IMPG1: variants seen among roughly 807,000 people sequenced by gnomAD.
IMPG1 encodes the protein interphotoreceptor matrix proteoglycan of 150 kDa.
A neutral mutation model predicts 92.0 loss-of-function variants in IMPG1; 85 were observed. The observed-to-expected ratio is 0.92, with a 90% CI of 0.78 to 1.11. The LOEUF (loss-of-function observed/expected upper bound fraction) is 1.11, where lower values mean the gene tolerates loss of function less well. IMPG1 is among the 50% of genes least tolerant of loss of function. The pLI, the probability that IMPG1 is intolerant of heterozygous loss-of-function variation, is 0.00. For synonymous variants in IMPG1, 367 were observed against 334.1 expected (o/e 1.10, Z -1.08); for missense variants, 1,022 against 956.0 (o/e 1.07, Z -0.91).
chr6:75,946,305 A>G (rs1273998641), intron 14 of IMPG1, among the ~76,000 whole-genome samples: 2 of 152,218 alleles, frequency 1.3e-5, no homozygotes, highest in African/African-American at 2.4e-5. Context: ...GCACTGCTCT[A>G]TCAAATATAA....
At chr6:76,048,704 A>G (rs1029328870) in intron 1 of IMPG1, among the ~76,000 whole-genome samples, 2 of 152,206 alleles carry the variant, frequency 1.3e-5, no homozygotes, top group Non-Finnish European at 2.9e-5. Flanking sequence ...TCTCTATAGC[A>G]TGTTTCCTCC....
intron 12 of IMPG1, among the ~76,000 whole-genome samples, chr6:75,979,088 T>C (rs577967448): frequency 7.2e-5 from 11 of 152,248 alleles, no homozygotes; most frequent in African/African-American, 2.2e-4. Context: ...ATTTTTTTTT[T>C]CTACTTTTTG....
chr6:75,944,043 A>G (rs527587666), intron 14 of IMPG1, among the ~76,000 whole-genome samples: 3 of 152,362 alleles, frequency 2.0e-5, no homozygotes, highest in Admixed American at 2.0e-4. Flanking sequence ...GTGGTGGATG[A>G]ATGCTGTTTT....
At chr6:76,015,800 CAAA>C (rs35389302) in intron 7 of IMPG1, among the ~76,000 whole-genome samples, 2 of 66,724 alleles carry the variant, frequency 3.0e-5, no homozygotes, top group Non-Finnish European at 2.7e-5. Flanking sequence ...AACTCTGTCT[CAAA>C]AAAAAAAAAA....
intron 1 of IMPG1, among the ~76,000 whole-genome samples, chr6:76,052,687 A>G (rs1304120419): frequency 1.3e-5 from 2 of 152,226 alleles, no homozygotes; most frequent in Non-Finnish European, 2.9e-5. Flanking sequence ...GTTGAGGACC[A>G]CCTGAATACA....
intron 12 of IMPG1, among the ~76,000 whole-genome samples, chr6:75,962,457 A>T (rs1473154655): frequency 6.6e-6 from 1 of 152,124 alleles, no homozygotes; most frequent in African/African-American, 2.4e-5. Flanking sequence ...GGCATAATTG[A>T]CAAATAAAAG....
chr6:76,009,668 A>G lies in IMPG1; in HGVS notation c.866+1498T>C, dbSNP rs1443645555. ...TACTTTGTAGGCATCTTTGGCAGAA[A>G]TAATAATAAATCCTTACAAAGATAA... is the stretch of plus-strand genomic sequence containing the variant. On this transcript the variant is annotated intron_variant, in intron 8 of 16. Coordinates refer to ENST00000369950, the MANE Select transcript of IMPG1 (RefSeq NM_001563.4). 2.0e-5 allele frequency among the ~76,000 whole-genome samples: 3 copies of G among 152,234 alleles called. No individual in the cohort carries two copies. In the East Asian group the frequency reaches 5.8e-4, roughly 29 times the overall value.
intron 1 of IMPG1, among the ~76,000 whole-genome samples, chr6:76,054,920 T>C (rs779020959): frequency 3.6e-4 from 55 of 152,020 alleles, no homozygotes; most frequent in African/African-American, 1.3e-3. Flanking sequence ...TAATAATATA[T>C]AAATATATAA....
rs1262157383 is a variant in IMPG1, at chr6:75,924,605, A to T, written c.2244-899T>A. The stretch of plus-strand genomic sequence containing the variant: ...ATATAATTATATATTATATATAATT[A>T]ATTATATATAATATATAATAAATTA... On this transcript the variant is annotated intron_variant, in intron 15 of 16. Transcript: ENST00000369950. 7.1e-4 allele frequency among the ~76,000 whole-genome samples: 21 copies of T among 29,622 alleles called. 2 individuals are homozygous for T. Among genetic ancestry groups the T allele is most frequent in the African/African-American group, 2.0e-3 (15 of 7,354 alleles). The allele number at this position is 29,622 out of a possible 152,430, so 19.4% of individuals were successfully genotyped here.
At chr6:75,957,117 A>G (rs1175064058) in intron 12 of IMPG1, among the ~76,000 whole-genome samples, 3 of 151,994 alleles carry the variant, frequency 2.0e-5, no homozygotes, top group Non-Finnish European at 1.5e-5. Flanking sequence ...ATGGGGTTTC[A>G]CCATCTTGGC....
At chr6:76,060,002 T>C (rs11967786) in intron 1 of IMPG1, among the ~76,000 whole-genome samples, 3,902 of 152,292 alleles carry the variant, frequency 0.026, 139 homozygotes, top group African/African-American at 0.086. Context: ...CTTCATGTAG[T>C]TAAAATATTT....
chr6:75,929,711 TAAAAA>T (rs894555197), intron 15 of IMPG1, among the ~76,000 whole-genome samples: 93 of 147,574 alleles, frequency 6.3e-4, no homozygotes, highest in African/African-American at 2.3e-3. Context: ...ATAATAAAAT[TAAAAA>T]AAAGAAAAAC....
At position 76,011,216 on chromosome 6, in the gene IMPG1, C is replaced by G. The variant is rs780752521; in HGVS notation, c.816G>C (p.Lys272Asn). The G allele has an allele frequency of 6.5e-7, 1 of 1,541,514 alleles. No individual in the cohort carries two copies. The highest frequency in any genetic ancestry group is 9.0e-7 in the Non-Finnish European group (1 of 1,115,394). Residue 272 changes from lysine (K) to asparagine (N), a missense_variant, in exon 8 of 17, where the codon AAG becomes AAC. Lys to Asn is a moderately conservative substitution (Grantham distance 94). Transcript: ENST00000369950. The stretch of plus-strand genomic sequence containing the variant: ...TGAATCCTGGAAGTTTCTTAAATAT[C>G]TTTTGCATCTGCAGAGAGAAAGAAA... ...LAGKSQLQMQ[K>N]IFKKLPGFKK...
chr6:76,050,045 C>T (rs1020705443), intron 1 of IMPG1, among the ~76,000 whole-genome samples: 14 of 152,304 alleles, frequency 9.2e-5, no homozygotes, highest in African/African-American at 3.4e-4. Flanking sequence ...AATTTAAACA[C>T]TTTCAAACAT....
At chr6:75,981,353 A>G (rs951643402) in intron 12 of IMPG1, among the ~76,000 whole-genome samples, 2 of 152,174 alleles carry the variant, frequency 1.3e-5, no homozygotes, top group African/African-American at 2.4e-5. Context: ...AAAAATCCAT[A>G]ATGTGATCAC....
At chr6:76,029,126 G>A (rs1783608963) in intron 4 of IMPG1, among the ~76,000 whole-genome samples, 1 of 152,198 alleles carries the variant, frequency 6.6e-6, no homozygotes, top group African/African-American at 2.4e-5. Flanking sequence ...TGTCTATGCA[G>A]TCCCTGTACA....
intron 4 of IMPG1, among the ~76,000 whole-genome samples, chr6:76,027,132 C>A (rs1365519477): frequency 1.3e-5 from 2 of 152,110 alleles, no homozygotes; most frequent in Non-Finnish European, 2.9e-5. Flanking sequence ...TGACTTTACT[C>A]TTTAAGAAAT....
chr6:75,933,565 G>A (rs1054099737), intron 14 of IMPG1, among the ~76,000 whole-genome samples: 4 of 152,150 alleles, frequency 2.6e-5, no homozygotes, highest in Non-Finnish European at 4.4e-5. Context: ...ACTTGACCTC[G>A]GCAAGCTGAA....
At chr6:75,965,891 G>A (rs1393687751) in intron 12 of IMPG1, among the ~76,000 whole-genome samples, 1 of 152,200 alleles carries the variant, frequency 6.6e-6, no homozygotes, top group East Asian at 1.9e-4. Context: ...ACAGGCATGA[G>A]CCACCACGCC....
Sources: gnomAD v4.1 joint callset for allele counts (sites outside exome capture counted in the v4.1 genomes callset) on GRCh38, gnomAD v4.1.1 for gene constraint, MANE v1.5 for transcripts, NCBI Gene and HGNC (gene_info 2026-07-23, HGNC 2026-07-21) for gene names.